Variants in PTPRN2 observed in about 807,000 individuals in gnomAD.
PTPRN2 encodes the protein protein tyrosine phosphatase receptor type N2, also known as receptor-type tyrosine-protein phosphatase N2.
PTPRN2 carries 74 observed loss-of-function variants against 118.8 expected under a neutral mutation model. The observed-to-expected ratio is 0.62, with a 90% confidence interval of 0.52 to 0.76. The LOEUF is 0.76. PTPRN2 is among the 30% of genes least tolerant of loss of function. PTPRN2 has a pLI of 0.00. For missense variants in PTPRN2, 1,481 were observed against 1,394.4 expected, an observed-to-expected ratio of 1.06 and a Z score of -0.99; for synonymous variants, 641 against 608.0, an observed-to-expected ratio of 1.05 and a Z score of -0.80.
At chr7:158,440,830 G>GTGA (rs1816971897) in intron 2 of PTPRN2, among the ~76,000 whole-genome samples, 1 of 143,428 alleles carries the variant, frequency 7.0e-6, no homozygotes, top group African/African-American at 2.6e-5. Flanking sequence ...AGTGGTGGTG[G>GTGA]TGGTGATGGC....
chr7:157,657,732 TCA>T (rs1396697122), intron 13 of PTPRN2, among the ~76,000 whole-genome samples: 2 of 46,504 alleles, frequency 4.3e-5, no homozygotes, highest in Non-Finnish European at 8.3e-5. Flanking sequence ...ACCACACACA[TCA>T]CACATATACA....
At chr7:158,073,755 C>T (rs1812131456) in intron 11 of PTPRN2, among the ~76,000 whole-genome samples, 1 of 151,888 alleles carries the variant, frequency 6.6e-6, no homozygotes, top group Non-Finnish European at 1.5e-5. Context: ...GTGGAAACAG[C>T]ATTCGCTTAT....
chr7:158,546,642 C>T lies in PTPRN2; in HGVS notation c.112+40916G>A, dbSNP rs953933213. On this transcript the variant is annotated intron_variant, in intron 1 of 22. Coordinates refer to ENST00000389418, the MANE Select transcript of PTPRN2 (RefSeq NM_002847.5). The surrounding 1 kb of genome is among the most constrained non-coding windows in gnomAD (Gnocchi z 5.0). The stretch of plus-strand genomic sequence containing the variant: ...GCCACGGGACAGACGCCACCTCTCC[C>T]GAGTAGCAGGTGGGTGACTACAGAG... 3.3e-5 allele frequency among the ~76,000 whole-genome samples: 5 copies of T among 152,294 alleles called. No individual in the cohort carries two copies. Among genetic ancestry groups the T allele is most frequent in the Non-Finnish European group, 4.4e-5 (3 of 68,012 alleles).
At chr7:158,278,321 G>A (rs538598618) in intron 3 of PTPRN2, among the ~76,000 whole-genome samples, 3 of 149,614 alleles carry the variant, frequency 2.0e-5, no homozygotes, top group East Asian at 3.9e-4. Flanking sequence ...TGTGCAACAT[G>A]ATGAAACCCC....
intron 11 of PTPRN2, among the ~76,000 whole-genome samples, chr7:157,905,592 A>G (rs1797727160): frequency 6.6e-6 from 1 of 152,254 alleles, no homozygotes; most frequent in African/African-American, 2.4e-5. Flanking sequence ...TTAGTATTTT[A>G]ATTTATCAGA....
At chr7:157,710,724 G>A (rs1215435579) in intron 12 of PTPRN2, among the ~76,000 whole-genome samples, 2 of 152,174 alleles carry the variant, frequency 1.3e-5, no homozygotes, top group Non-Finnish European at 1.5e-5. Context: ...CTGCCGCCTG[G>A]GCACAGGTGC....
At chr7:158,569,430 G>A (rs1323340348) in intron 1 of PTPRN2, among the ~76,000 whole-genome samples, 2 of 152,260 alleles carry the variant, frequency 1.3e-5, no homozygotes, top group South Asian at 2.1e-4. Context: ...TTGGGCGGAC[G>A]AGACTCCCTG....
intron 5 of PTPRN2, among the ~76,000 whole-genome samples, chr7:158,169,413 T>TGTGA (rs1823324216): frequency 8.7e-6 from 1 of 115,582 alleles, no homozygotes; most frequent in African/African-American, 3.5e-5. Context: ...TGGCTGCTTT[T>TGTGA]GTGAGTGTGT....
intron 11 of PTPRN2, among the ~76,000 whole-genome samples, chr7:157,899,607 A>C (rs766385303): frequency 5.3e-5 from 8 of 152,222 alleles, no homozygotes. Context: ...TAGCAGGAAA[A>C]TATCAATTAC....
intron 3 of PTPRN2, among the ~76,000 whole-genome samples, chr7:158,256,580 G>A (rs2150910220): frequency 6.6e-6 from 1 of 152,174 alleles, no homozygotes; most frequent in South Asian, 2.1e-4. Flanking sequence ...GCTGGCGGGG[G>A]CGGGGGGGAA....
At chr7:158,387,159 G>A (rs1811456650) in intron 2 of PTPRN2, among the ~76,000 whole-genome samples, 1 of 152,234 alleles carries the variant, frequency 6.6e-6, no homozygotes, top group African/African-American at 2.4e-5. Flanking sequence ...CCTGCCCTAA[G>A]TGGCCTCAGC....
At position 157,763,773 on chromosome 7, in the gene PTPRN2, G is replaced by A. The variant is rs1288439677; in HGVS notation, c.1789-80836C>T. ...GTCTCCTGAGGGCAGGAGAGCCCCG[G>A]CAGTGGTAGGAGGAGGCTGCACCGG... On this transcript the variant is annotated intron_variant, in intron 12 of 22. Transcript: ENST00000389418. This position sits in a 1 kb window ranked among gnomAD's most constrained non-coding sequence, Gnocchi z 4.9. Among the ~76,000 whole-genome samples, 1 of 152,078 alleles carries A rather than the reference G, an allele frequency of 6.6e-6. No homozygotes were observed. Among genetic ancestry groups the A allele is most frequent in the African/African-American group, 2.4e-5 (1 of 41,416 alleles).
chr7:157,797,117 G>A (rs1253531705), intron 12 of PTPRN2, among the ~76,000 whole-genome samples: 1 of 152,156 alleles, frequency 6.6e-6, no homozygotes, highest in African/African-American at 2.4e-5. Flanking sequence ...CCTCAACACG[G>A]CCCACGGCTG....
intron 4 of PTPRN2, among the ~76,000 whole-genome samples, chr7:158,204,261 C>T (rs891847067): frequency 1.4e-4 from 22 of 152,004 alleles, no homozygotes; most frequent in African/African-American, 5.3e-4. Context: ...GACGCAGCCC[C>T]CGCCCTCAGT....
intron 1 of PTPRN2, among the ~76,000 whole-genome samples, chr7:158,521,287 C>A (rs1586853553): frequency 6.6e-6 from 1 of 152,312 alleles, no homozygotes; most frequent in East Asian, 1.9e-4. Flanking sequence ...GAGAAAACAT[C>A]TAGACCAACG....
intron 14 of PTPRN2, among the ~76,000 whole-genome samples, chr7:157,625,338 T>C (rs986037498): frequency 1.3e-5 from 2 of 152,226 alleles, no homozygotes; most frequent in Non-Finnish European, 2.9e-5. Context: ...CCCAAATGCT[T>C]ATCAATCAAT....
At chr7:157,945,394 C>T (rs1800413914) in intron 11 of PTPRN2, among the ~76,000 whole-genome samples, 1 of 152,164 alleles carries the variant, frequency 6.6e-6, no homozygotes, top group Admixed American at 6.5e-5. Context: ...TCTGAAGGCC[C>T]TTCCATCCTA....
rs181107940 is a variant in PTPRN2, at chr7:157,779,340, G to A, written c.1789-96403C>T. 1.2e-4 allele frequency among the ~76,000 whole-genome samples: 18 copies of A among 152,204 alleles called. No homozygotes were observed. The highest frequency in any genetic ancestry group is 3.6e-4 in the African/African-American group (15 of 41,468). On this transcript the variant is annotated intron_variant, in intron 12 of 22. Coordinates refer to ENST00000389418, the MANE Select transcript of PTPRN2 (RefSeq NM_002847.5). This position sits in a 1 kb window ranked among gnomAD's most constrained non-coding sequence, Gnocchi z 4.7. Reference sequence around the variant, plus strand: ...TTGGTGACCTGAGGTGAAAGGTCACGTGCTGGTCGCTTGTGCTGAGCAAGG... The same window carrying A: ...TTGGTGACCTGAGGTGAAAGGTCACATGCTGGTCGCTTGTGCTGAGCAAGG...
At chr7:158,021,915 T>C (rs1806904765) in intron 11 of PTPRN2, among the ~76,000 whole-genome samples, 1 of 152,194 alleles carries the variant, frequency 6.6e-6, no homozygotes, top group Non-Finnish European at 1.5e-5. Flanking sequence ...TCCTAGTAAG[T>C]ATTAAAATAA....
Sources: gnomAD v4.1 joint callset for allele counts (sites outside exome capture counted in the v4.1 genomes callset) on GRCh38, gnomAD v4.1.1 for gene constraint, Gnocchi (gnomAD v3.1) non-coding constraint, MANE v1.5 for transcripts, NCBI Gene and HGNC (gene_info 2026-07-23, HGNC 2026-07-21) for gene names.